The following CRTC2 variants were observed in gnomAD, a reference collection of about 807,000 sequenced individuals.
The protein encoded by CRTC2 is CREB-regulated transcription coactivator 2.
Under a neutral mutation model 70.9 loss-of-function variants are expected in CRTC2, and 25 were observed. The observed-to-expected ratio is 0.35, with a 90% confidence interval of 0.26 to 0.49. The LOEUF (loss-of-function observed/expected upper bound fraction) is 0.49. Ranked by LOEUF, CRTC2 falls within the 20% of genes least tolerant of loss-of-function variation. CRTC2 has a pLI of 0.98. For synonymous variants in CRTC2, 330 were observed against 364.1 expected (o/e 0.91, Z 1.07); for missense variants, 737 against 882.6 (o/e 0.83, Z 2.09).
intron 1 of CRTC2, 176 bp downstream of exon 1, chr1:153,958,169 C>A: frequency 1.4e-6 from 2 of 1,421,786 alleles, no homozygotes; most frequent in Non-Finnish European, 1.8e-6. Flanking sequence ...CGGTCTCCCC[C>A]GGCAAAATCC....
At position 153,958,527 on chromosome 1, in the gene CRTC2, C is replaced by T. The variant is rs1401948782; in HGVS notation, c.-30G>A. 1.9e-6 allele frequency: 3 copies of T among 1,573,794 alleles called. No individual in the cohort carries two copies. The highest frequency in any genetic ancestry group is 1.4e-5 in the African/African-American group (1 of 73,520). ...CTTCCCCGTCCCTCCCTGCCACCCT[C>T]CCAGTACCAGCCGCGGCCTCCGCCG... On this transcript the variant is annotated 5_prime_UTR_variant, in exon 1 of 14. Coordinates refer to ENST00000368633, the MANE Select transcript of CRTC2 (RefSeq NM_181715.3).
chr1:153,955,384 C>T (rs1033513087), intron 1 of CRTC2, among the ~76,000 whole-genome samples: 3 of 151,756 alleles, frequency 2.0e-5, no homozygotes, highest in African/African-American at 4.8e-5. Context: ...TGGCTAACAC[C>T]GTGAAACCCT....
chr1:153,957,069 A>G (rs1176950004), intron 1 of CRTC2, among the ~76,000 whole-genome samples: 1 of 152,154 alleles, frequency 6.6e-6, no homozygotes, highest in African/African-American at 2.4e-5. Flanking sequence ...AATCCTCACA[A>G]TGGTTACAGT....
intron 6 of CRTC2, 83 bp from the exon 7 acceptor site, chr1:153,952,917 C>T (rs976744105): frequency 8.5e-6 from 13 of 1,536,324 alleles, no homozygotes; most frequent in Non-Finnish European, 1.2e-5. Flanking sequence ...GGTATGGTGG[C>T]TCATGCCTGT....
chr1:153,958,207 G>C (rs981828661), intron 1 of CRTC2, 138 bp downstream of exon 1: 1 of 1,434,130 alleles, frequency 7.0e-7, no homozygotes, highest in African/African-American at 1.5e-5. Context: ...CCCTCAACCT[G>C]CGCCTCCCAA....
At chr1:153,957,570 G>T (rs552622377) in intron 1 of CRTC2, among the ~76,000 whole-genome samples, 49 of 152,226 alleles carry the variant, frequency 3.2e-4, no homozygotes, top group African/African-American at 1.1e-3. Context: ...TCCTAGGAAT[G>T]AATATTCTCA....
Position 153,954,249 on chromosome 1 carries a change from A to G in CRTC2, c.434+6T>C, listed in dbSNP as rs747679848. 12 of 1,609,852 alleles carry G rather than the reference A, an allele frequency of 7.5e-6. No individual in the cohort carries two copies. The highest frequency in any genetic ancestry group is 5.9e-6 in the Non-Finnish European group (7 of 1,177,292). On this transcript the variant is annotated splice_donor_region_variant and intron_variant, in intron 4 of 13. Transcript: ENST00000368633. Reference sequence around the variant, plus strand: ...GCAGGAGCTTCTGCCCGCCCTGGACACTTACCTTCGCCAGCTAGACTCTGG... The same window carrying G: ...GCAGGAGCTTCTGCCCGCCCTGGACGCTTACCTTCGCCAGCTAGACTCTGG...
At position 153,951,352 on chromosome 1, in the gene CRTC2, G is replaced by A. The variant is rs776532141; in HGVS notation, c.1312C>T (p.Leu438Phe). The change falls in exon 11 of 14, where the codon CTC becomes TTC. Residue 438 changes from leucine (L) to phenylalanine (F), a missense_variant. Transcript: ENST00000368633. Reference sequence around the variant, plus strand: ...CTTCTGGCGTCGGCTGGGCCCGCGAGCAAACTCAGGGGGCTGAGGGGCACA... The same window carrying A: ...CTTCTGGCGTCGGCTGGGCCCGCGAACAAACTCAGGGGGCTGAGGGGCACA... ...RRVPLSPLSLLAGPADARRSQ... is the reference protein window; with the variant it reads ...RRVPLSPLSLFAGPADARRSQ... 2 of 1,613,548 alleles carry A rather than the reference G, an allele frequency of 1.2e-6. No homozygotes were observed. Among genetic ancestry groups the A allele is most frequent in the South Asian group, 1.1e-5 (1 of 91,008 alleles).
intron 6 of CRTC2, 100 bp downstream of exon 6, chr1:153,953,164 CAG>C: frequency 4.8e-6 from 3 of 619,178 alleles, no homozygotes; most frequent in South Asian, 7.0e-5. Flanking sequence ...GCCTAGGCGA[CAG>C]AGTGAGACTC....
intron 1 of CRTC2, chr1:153,958,000 C>T (rs1680723947): frequency 1.7e-6 from 2 of 1,149,810 alleles, no homozygotes; most frequent in South Asian, 3.9e-5. Flanking sequence ...ACCCCAATAC[C>T]AGGCATGCTT....
At chr1:153,952,306 G>C (rs1557868640) in intron 9 of CRTC2, 44 bp from the exon 10 acceptor site, 1 of 1,598,498 alleles carries the variant, frequency 6.3e-7, no homozygotes, top group Admixed American at 1.7e-5. Context: ...AGGAGGGTGG[G>C]TGCAGTGGTC....
At position 153,949,280 on chromosome 1, in the gene CRTC2, C is replaced by T. The variant is rs777067039; in HGVS notation, c.1509G>A (p.Lys503=). The part of the protein sequence containing the change: ...LVLPTQPHTP[K]SLQQPGLPSQ... ...AGGGCAGCCCTGGCTGCTGTAGAGA[C>T]TTTGGGGTGTGGGGCTGGGTAGGCA... is the stretch of plus-strand genomic sequence containing the variant. Residue 503 remains lysine (K), a synonymous_variant, in exon 12 of 14, where the codon AAG becomes AAA. Coordinates refer to ENST00000368633, the MANE Select transcript of CRTC2 (RefSeq NM_181715.3). 3 of 1,614,070 alleles carry T rather than the reference C, an allele frequency of 1.9e-6. No individual in the cohort carries two copies. The highest frequency in any genetic ancestry group is 2.5e-6 in the Non-Finnish European group (3 of 1,180,018).
intron 1 of CRTC2, among the ~76,000 whole-genome samples, chr1:153,957,233 G>A (rs1680665332): frequency 6.6e-6 from 1 of 151,714 alleles, no homozygotes; most frequent in South Asian, 2.1e-4. Flanking sequence ...AAAAGTAACA[G>A]AGTCAAGGGG....
chr1:153,952,516 A>T, intron 8 of CRTC2, 55 bp downstream of exon 8: 1 of 1,611,026 alleles, frequency 6.2e-7, no homozygotes, highest in South Asian at 1.1e-5. Context: ...GGCCTGCCCC[A>T]TGGCAAGGGG....
Position 153,958,560 on chromosome 1 carries a change from G to A in CRTC2, c.-63C>T, listed in dbSNP as rs1471201442. The A allele has an allele frequency of 4.8e-6, 7 of 1,471,008 alleles. No individual in the cohort carries two copies. The highest frequency in any genetic ancestry group is 1.3e-5 in the South Asian group (1 of 77,832). The allele number at this position is 1,471,008 out of a possible 1,614,324, so 91.1% of individuals were successfully genotyped here. ...CAGCCGCGGCCTCCGCCGCGGCCTC[G>A]GCCCGGCTCCTCCAGCCGTAGCCAC... On this transcript the variant is annotated 5_prime_UTR_variant, in exon 1 of 14. Transcript: ENST00000368633.
In CRTC2 at chr1:153,951,594, C is replaced by T. The variant is rs1421820711; in HGVS notation, c.1070G>A (p.Ser357Asn). ...GCCCTGAAGCTGGGGCTGAGGACTG[C>T]TCAGGGAAGCCTGGAGGTTGGGATT... Reference protein sequence around the residue: ...LSNPNLQASLSSPQPQLQGSH... With the variant: ...LSNPNLQASLNSPQPQLQGSH... The change falls in exon 11 of 14, where the codon AGC becomes AAC. Residue 357 changes from serine (S) to asparagine (N), a missense_variant. Physicochemically the swap from Ser to Asn is conservative, Grantham distance 46. Coordinates refer to ENST00000368633, the MANE Select transcript of CRTC2 (RefSeq NM_181715.3). 6.2e-7 allele frequency: 1 copy of T among 1,613,330 alleles called. No individual in the cohort carries two copies. The highest frequency in any genetic ancestry group is 8.5e-7 in the Non-Finnish European group (1 of 1,179,714).
intron 1 of CRTC2, chr1:153,957,947 A>G: frequency 2.4e-6 from 2 of 832,218 alleles, no homozygotes; most frequent in South Asian, 3.0e-5. Context: ...TCACAAACTC[A>G]GAGGAGCCAG....
At chr1:153,948,764 C>T (rs192514755) in intron 12 of CRTC2, 120 bp from the exon 13 acceptor site, 2 of 1,168,068 alleles carry the variant, frequency 1.7e-6, no homozygotes. Context: ...GAGGCAATGA[C>T]AGAGGGAGGT....
intron 6 of CRTC2, 169 bp from the exon 7 acceptor site, chr1:153,953,003 G>A: frequency 2.5e-6 from 2 of 807,098 alleles, no homozygotes; most frequent in South Asian, 1.5e-5. Flanking sequence ...CCAAGATGGT[G>A]AAACCCCATC....
Sources: allele counts gnomAD v4.1 joint callset (sites outside exome capture counted in the v4.1 genomes callset), GRCh38; gene constraint gnomAD v4.1.1; transcripts MANE v1.5; gene names NCBI Gene and HGNC (gene_info 2026-07-23, HGNC 2026-07-21).